GABRG3: variants seen among roughly 807,000 people sequenced by gnomAD.
GABRG3 encodes the protein gamma-aminobutyric acid receptor subunit gamma-3.
In GABRG3, 25 loss-of-function variants were observed where a neutral mutation model predicts 48.8. That is an observed-to-expected ratio of 0.51 (90% CI 0.37 to 0.72). The LOEUF (loss-of-function observed/expected upper bound fraction) is 0.72. GABRG3 is among the 30% of genes least tolerant of loss of function. The probability of loss-of-function intolerance (pLI) is 0.00; values close to 1 mark genes in which losing one functional copy is unlikely to be tolerated. For synonymous variants in GABRG3, 227 were observed against 217.6 expected, an observed-to-expected ratio of 1.04 and a Z score of -0.38; for missense variants, 394 against 577.9, an observed-to-expected ratio of 0.68 and a Z score of 3.26.
At chr15:27,177,230 T>A (rs1468244422) in intron 3 of GABRG3, among the ~76,000 whole-genome samples, 2 of 152,152 alleles carry the variant, frequency 1.3e-5, no homozygotes, top group Non-Finnish European at 2.9e-5. Context: ...TGGTATGAGT[T>A]ACAGGTCCAG....
intron 5 of GABRG3, among the ~76,000 whole-genome samples, chr15:27,437,689 G>C (rs1888661090): frequency 6.6e-6 from 1 of 152,234 alleles, no homozygotes; most frequent in Non-Finnish European, 1.5e-5. Flanking sequence ...GGCCTATGTA[G>C]GTGTTTTCAT....
At chr15:27,042,160 G>T (rs1595489207) in intron 3 of GABRG3, among the ~76,000 whole-genome samples, 2 of 152,340 alleles carry the variant, frequency 1.3e-5, no homozygotes, top group East Asian at 3.9e-4. Flanking sequence ...GGCTGCCCAT[G>T]TGGGTCCCAT....
chr15:27,420,636 G>C (rs1031786586), intron 5 of GABRG3: 1 of 152,066 alleles, frequency 6.6e-6, no homozygotes, highest in African/African-American at 2.4e-5. Flanking sequence ...ATATCAAAAC[G>C]TCAAGTTTTA....
At chr15:27,422,249 T>G (rs1440527016) in intron 5 of GABRG3, 1 of 152,662 alleles carries the variant, frequency 6.6e-6, no homozygotes, top group African/African-American at 2.4e-5. Context: ...AAGATATCCA[T>G]GGGAATGGGC....
At chr15:27,393,003 T>A (rs904205267) in intron 5 of GABRG3, among the ~76,000 whole-genome samples, 1 of 152,180 alleles carries the variant, frequency 6.6e-6, no homozygotes, top group Non-Finnish European at 1.5e-5. Flanking sequence ...ATCCTAGAAC[T>A]AGCCATTTCT....
chr15:27,499,897 G>A (rs556546160), intron 6 of GABRG3, among the ~76,000 whole-genome samples: 1 of 152,330 alleles, frequency 6.6e-6, no homozygotes, highest in South Asian at 2.1e-4. Flanking sequence ...GAGCTTGCCA[G>A]GCAAAGGCTG....
intron 5 of GABRG3, among the ~76,000 whole-genome samples, chr15:27,334,326 G>A (rs28528714): frequency 0.071 from 10,798 of 152,054 alleles, 1,290 homozygotes; most frequent in African/African-American, 0.25. Flanking sequence ...ACTTCTGTAA[G>A]CTAATATAGG....
rs193134412 is a variant in GABRG3, at chr15:27,297,873, A to T, written c.271-28936A>T. On this transcript the variant is annotated intron_variant, in intron 3 of 9. Coordinates refer to ENST00000615808, the MANE Select transcript of GABRG3 (RefSeq NM_033223.5). ...GGGAGAATAGTGTTATATAGGAGTAAAGTTCTATATTCCACTTGAATAAAT... is the reference window on the plus strand; with the variant it reads ...GGGAGAATAGTGTTATATAGGAGTATAGTTCTATATTCCACTTGAATAAAT... 7.8e-3 allele frequency among the ~76,000 whole-genome samples: 1,192 copies of T among 152,268 alleles called. 17 individuals are homozygous for T. The highest frequency in any genetic ancestry group is 0.028 in the African/African-American group (1,154 of 41,574).
At chr15:27,493,647 T>G (rs1890412051) in intron 6 of GABRG3, among the ~76,000 whole-genome samples, 1 of 152,206 alleles carries the variant, frequency 6.6e-6, no homozygotes, top group Non-Finnish European at 1.5e-5. Flanking sequence ...TAGAAATATA[T>G]TATTATCTGA....
At chr15:27,148,286 A>C (rs2140394668) in intron 3 of GABRG3, among the ~76,000 whole-genome samples, 1 of 152,124 alleles carries the variant, frequency 6.6e-6, no homozygotes, top group East Asian at 1.9e-4. Context: ...CAAACTACCA[A>C]AACTGAATCA....
chr15:27,314,319 T>C (rs10438507), intron 3 of GABRG3, among the ~76,000 whole-genome samples: 89,656 of 152,014 alleles, frequency 0.59, 27,394 homozygotes, highest in African/African-American at 0.67. Flanking sequence ...AGATGTTCAA[T>C]GTCACTAATC....
chr15:27,450,648 C>A (rs1290252581), intron 5 of GABRG3, among the ~76,000 whole-genome samples: 1 of 151,674 alleles, frequency 6.6e-6, no homozygotes, highest in African/African-American at 2.4e-5. Flanking sequence ...AGATCAGGAA[C>A]AAGACAAGGA....
chr15:27,306,486 A>T (rs1385151746), intron 3 of GABRG3, among the ~76,000 whole-genome samples: 1 of 140,438 alleles, frequency 7.1e-6, no homozygotes, highest in African/African-American at 2.6e-5. Context: ...ATAAACATAT[A>T]TATAATATAA....
chr15:27,002,501 A>T (rs1895467457), intron 2 of GABRG3, among the ~76,000 whole-genome samples: 1 of 152,182 alleles, frequency 6.6e-6, no homozygotes, highest in Non-Finnish European at 1.5e-5. Context: ...TAATGAAGCC[A>T]TTCTACTTTT....
At chr15:27,129,627 G>A (rs1028629233) in intron 3 of GABRG3, among the ~76,000 whole-genome samples, 1 of 151,848 alleles carries the variant, frequency 6.6e-6, no homozygotes, top group African/African-American at 2.4e-5. Flanking sequence ...TTTCCATAGT[G>A]GCTATGCCAT....
intron 3 of GABRG3, among the ~76,000 whole-genome samples, chr15:27,204,739 T>C (rs1888798808): frequency 6.6e-6 from 1 of 152,176 alleles, no homozygotes. Flanking sequence ...TAATTCTCAT[T>C]GTAGAGATCT....
At chr15:27,038,199 G>C (rs7162819) in intron 3 of GABRG3, among the ~76,000 whole-genome samples, 19,358 of 152,026 alleles carry the variant, frequency 0.13, 1,352 homozygotes, top group East Asian at 0.22. Context: ...CTAAGACTGG[G>C]AAGTCCAAGT....
At chr15:27,248,801 CACAGAG>C (rs1408967132) in intron 3 of GABRG3, among the ~76,000 whole-genome samples, 13 of 120,528 alleles carry the variant, frequency 1.1e-4, no homozygotes, top group East Asian at 2.4e-4. Flanking sequence ...CACACACACA[CACAGAG>C]AGAGAGAGAG....
chr15:27,208,519 C>A, intron 3 of GABRG3: 1 of 181,130 alleles, frequency 5.5e-6, no homozygotes, highest in Non-Finnish European at 1.2e-5. Context: ...ATGTGTTGCC[C>A]ATGTAAATCT....
Sources: allele counts gnomAD v4.1 joint callset (sites outside exome capture counted in the v4.1 genomes callset), GRCh38; gene constraint gnomAD v4.1.1; transcripts MANE v1.5; gene names NCBI Gene and HGNC (gene_info 2026-07-23, HGNC 2026-07-21).